The following GRM8 variants were observed in gnomAD, a reference collection of about 807,000 sequenced individuals.
The protein encoded by GRM8 is glutamate metabotropic receptor 8.
GRM8 carries 47 observed loss-of-function variants against 87.2 expected under a neutral mutation model. That is an observed-to-expected ratio of 0.54 (90% CI 0.43 to 0.69). GRM8 has a LOEUF of 0.69. Among genes scored for constraint, GRM8 ranks in the 30% least tolerant of loss-of-function variants. The pLI is 0.00. For missense variants in GRM8, 1,019 were observed against 1,139.2 expected, an observed-to-expected ratio of 0.89 and a Z score of 1.52; for synonymous variants, 396 against 404.5, an observed-to-expected ratio of 0.98 and a Z score of 0.25.
chr7:126,847,557 TAG>T (rs1796818303), intron 6 of GRM8, among the ~76,000 whole-genome samples: 2 of 151,998 alleles, frequency 1.3e-5, no homozygotes, highest in Non-Finnish European at 1.5e-5. Flanking sequence ...CAAATAGTAT[TAG>T]AGTTGGGGAT....
intron 9 of GRM8, among the ~76,000 whole-genome samples, chr7:126,481,471 A>G (rs1806666275): frequency 6.6e-6 from 1 of 152,114 alleles, no homozygotes; most frequent in African/African-American, 2.4e-5. Context: ...ATTACTGCAT[A>G]TTAGTACATA....
At chr7:126,968,976 G>A (rs1200441836) in intron 3 of GRM8, among the ~76,000 whole-genome samples, 2 of 152,126 alleles carry the variant, frequency 1.3e-5, no homozygotes, top group Admixed American at 1.3e-4. Flanking sequence ...TGAGTCATGT[G>A]AACTTTTTTA....
chr7:127,070,757 C>T (rs1821594265), intron 3 of GRM8, among the ~76,000 whole-genome samples: 1 of 152,106 alleles, frequency 6.6e-6, no homozygotes, highest in Non-Finnish European at 1.5e-5. Flanking sequence ...TGATTATCCC[C>T]ATGTTAAAGA....
intron 2 of GRM8, among the ~76,000 whole-genome samples, chr7:127,218,032 C>A (rs1199046586): frequency 6.6e-6 from 1 of 152,224 alleles, no homozygotes; most frequent in Non-Finnish European, 1.5e-5. Flanking sequence ...ACTGAATTAG[C>A]ATCTCTCATG....
intron 9 of GRM8, among the ~76,000 whole-genome samples, chr7:126,496,184 C>T (rs752775550): frequency 6.7e-6 from 1 of 149,682 alleles, no homozygotes. Flanking sequence ...AAAAGGAATG[C>T]AGAAAGGAAA....
At chr7:126,918,526 C>A (rs1414050606) in intron 3 of GRM8, among the ~76,000 whole-genome samples, 1 of 152,060 alleles carries the variant, frequency 6.6e-6, no homozygotes. Flanking sequence ...GAGGAAATAG[C>A]AACACATCAA....
intron 2 of GRM8, among the ~76,000 whole-genome samples, chr7:127,152,353 T>C (rs574240070): frequency 2.6e-4 from 40 of 152,102 alleles, no homozygotes; most frequent in Middle Eastern, 6.8e-3. Flanking sequence ...TACAGGATGA[T>C]GGTGGTGGTG....
rs79186658 is a variant in GRM8, at chr7:126,740,083, C to T, written c.1357+29782G>A. Among the ~76,000 whole-genome samples the T allele has an allele frequency of 9.7e-3, 1,477 of 152,192 alleles. 25 individuals carry two copies. The highest frequency in any genetic ancestry group is 0.034 in the African/African-American group (1,394 of 41,554). ...CTGTATCAATAACTATAATGGTCTA[C>T]ATTTATATAGTATTGGTCTGAGAGA... On this transcript the variant is annotated intron_variant, in intron 7 of 10. Transcript: ENST00000339582.
chr7:127,096,657 C>T (rs1201590763), intron 3 of GRM8, among the ~76,000 whole-genome samples: 1 of 152,004 alleles, frequency 6.6e-6, no homozygotes, highest in Non-Finnish European at 1.5e-5. Flanking sequence ...AATTGTTATC[C>T]CCACTCTACA....
At chr7:126,811,174 G>A (rs997792934) in intron 6 of GRM8, among the ~76,000 whole-genome samples, 7 of 152,122 alleles carry the variant, frequency 4.6e-5, no homozygotes, top group African/African-American at 1.7e-4. Context: ...AGATTGATTG[G>A]CTGTAAGTAT....
At chr7:127,182,381 TC>T (rs1794495666) in intron 2 of GRM8, among the ~76,000 whole-genome samples, 1 of 152,040 alleles carries the variant, frequency 6.6e-6, no homozygotes, top group Non-Finnish European at 1.5e-5. Flanking sequence ...AGGGAACACT[TC>T]TACACTGCTA....
rs1234565052 is a variant in GRM8 at position 126,503,037 on chromosome 7, T to G, written c.2430+29915A>C. Among the ~76,000 whole-genome samples, 3 of 151,920 alleles carry G rather than the reference T, an allele frequency of 2.0e-5. No individual in the cohort carries two copies. In the East Asian group the frequency reaches 5.8e-4, roughly 30 times the overall value. ...GTGGGATTGGTTCACTGCTAGGGAA[T>G]GAGACTCAAACAAGATCAACCAAAG... On this transcript the variant is annotated intron_variant, in intron 9 of 10. Coordinates refer to ENST00000339582, the MANE Select transcript of GRM8 (RefSeq NM_000845.3).
intron 9 of GRM8, chr7:126,465,111 T>A (rs920294578): frequency 1.3e-5 from 2 of 151,806 alleles, no homozygotes; most frequent in African/African-American, 2.4e-5. Context: ...ACCATTATCA[T>A]GAATCAGATG....
intron 7 of GRM8, among the ~76,000 whole-genome samples, chr7:126,708,448 C>G (rs1328918491): frequency 6.6e-6 from 1 of 151,760 alleles, no homozygotes; most frequent in Non-Finnish European, 1.5e-5. Flanking sequence ...CAGCATTATT[C>G]ACAATAGTGA....
At chr7:126,929,357 C>A (rs978936104) in intron 3 of GRM8, among the ~76,000 whole-genome samples, 2 of 152,218 alleles carry the variant, frequency 1.3e-5, no homozygotes, top group African/African-American at 2.4e-5. Flanking sequence ...CAGCCACTAG[C>A]GTCATAGGAC....
At chr7:127,238,014 C>G (rs1798074357) in intron 2 of GRM8, among the ~76,000 whole-genome samples, 1 of 152,140 alleles carries the variant, frequency 6.6e-6, no homozygotes, top group Non-Finnish European at 1.5e-5. Context: ...TTATGGGCTT[C>G]TCAAACATTT....
intron 9 of GRM8, among the ~76,000 whole-genome samples, chr7:126,451,815 C>G (rs1212215332): frequency 2.0e-5 from 3 of 151,724 alleles, no homozygotes; most frequent in East Asian, 1.9e-4. Flanking sequence ...CTGAAATGCC[C>G]CAGCTCAGTG....
intron 7 of GRM8, among the ~76,000 whole-genome samples, chr7:126,698,206 A>G (rs928303067): frequency 6.6e-5 from 10 of 151,970 alleles, no homozygotes; most frequent in Non-Finnish European, 1.5e-4. Flanking sequence ...CTCTGGTGAA[A>G]CCCTCACAAT....
chr7:126,780,200 C>T (rs1240962378), intron 6 of GRM8, among the ~76,000 whole-genome samples: 1 of 152,116 alleles, frequency 6.6e-6, no homozygotes, highest in Non-Finnish European at 1.5e-5. Flanking sequence ...CACCCTGCTT[C>T]CGATCTGCCT....
Sources: allele counts gnomAD v4.1 joint callset (sites outside exome capture counted in the v4.1 genomes callset), GRCh38; gene constraint gnomAD v4.1.1; transcripts MANE v1.5; gene names NCBI Gene and HGNC (gene_info 2026-07-23, HGNC 2026-07-21).